Variants in SIL1 observed in about 807,000 individuals in gnomAD.
SIL1 encodes the protein SIL1 nucleotide exchange factor, also known as nucleotide exchange factor SIL1.
Under a neutral mutation model 49.1 loss-of-function variants are expected in SIL1, and 40 were observed. The observed-to-expected ratio is 0.81, with a 90% CI of 0.63 to 1.06. The LOEUF (loss-of-function observed/expected upper bound fraction) is 1.06. Ranked by LOEUF, SIL1 falls within the 50% of genes least tolerant of loss-of-function variation. The pLI is 0.00. For synonymous variants in SIL1, 253 were observed against 250.8 expected (o/e 1.01, Z -0.08); for missense variants, 500 against 572.6 (o/e 0.87, Z 1.29).
chr5:139,154,611 C>T (rs1751372368), intron 1 of SIL1, among the ~76,000 whole-genome samples: 1 of 152,194 alleles, frequency 6.6e-6, no homozygotes, highest in Non-Finnish European at 1.5e-5. Context: ...GCCCCTTGCC[C>T]AGGAATACCC....
At chr5:139,106,370 A>G (rs935387814) in intron 3 of SIL1, among the ~76,000 whole-genome samples, 38 of 152,332 alleles carry the variant, frequency 2.5e-4, no homozygotes, top group African/African-American at 8.4e-4. Flanking sequence ...AAAATAACCT[A>G]CAGAAAAATA....
chr5:139,163,361 G>GT (rs112248382), intron 1 of SIL1, among the ~76,000 whole-genome samples: 2,082 of 147,996 alleles, frequency 0.014, 45 homozygotes, highest in African/African-American at 0.048. Context: ...TCACTGTTTT[G>GT]TTTTTTTTTC....
intron 1 of SIL1, among the ~76,000 whole-genome samples, chr5:139,158,307 A>G (rs572668476): frequency 1.3e-5 from 2 of 152,216 alleles, no homozygotes; most frequent in African/African-American, 2.4e-5. Flanking sequence ...AAAGAGACAA[A>G]TTACACATCT....
At chr5:139,194,151 G>A (rs959656791) in intron 1 of SIL1, among the ~76,000 whole-genome samples, 1 of 152,222 alleles carries the variant, frequency 6.6e-6, no homozygotes, top group Non-Finnish European at 1.5e-5. Flanking sequence ...GAACCTGAAG[G>A]AACTACAAGT....
At chr5:138,981,213 CAA>C (rs35272334) in intron 7 of SIL1, among the ~76,000 whole-genome samples, 9,233 of 113,552 alleles carry the variant, frequency 0.081, 878 homozygotes, top group African/African-American at 0.26. Flanking sequence ...ACTCTGTCTC[CAA>C]AAAAAAAAAA....
chr5:138,956,103 T>C (rs1044618627), intron 7 of SIL1, among the ~76,000 whole-genome samples: 1 of 152,242 alleles, frequency 6.6e-6, no homozygotes, highest in Admixed American at 6.5e-5. Context: ...GTGACATTTC[T>C]AAGTGCAACA....
At chr5:138,964,377 C>A (rs906604142) in intron 7 of SIL1, among the ~76,000 whole-genome samples, 8 of 152,162 alleles carry the variant, frequency 5.3e-5, no homozygotes, top group African/African-American at 1.9e-4. Context: ...CAAGGGTTGT[C>A]TGAAAAATGG....
intron 3 of SIL1, 179 bp from the exon 4 acceptor site, chr5:139,051,225 T>G: frequency 1.6e-6 from 1 of 645,108 alleles, no homozygotes. Flanking sequence ...ATAAACTCAC[T>G]TTGCTAATCT....
rs575463273 is a variant in SIL1, at chr5:138,957,441, G to C, written c.768-5557C>G. ...AAAAAAAAAAAAAAAAAAAATTGCC[G>C]GGCATGGTGGTATGCACCTATGGTC... On this transcript the variant is annotated intron_variant, in intron 7 of 9. Transcript: ENST00000394817. Among the ~76,000 whole-genome samples the C allele has an allele frequency of 7.4e-4, 112 of 150,692 alleles. 1 individual carries two copies. Among genetic ancestry groups the C allele is most frequent in the African/African-American group, 2.6e-3 (107 of 40,632 alleles).
chr5:138,956,207 C>A (rs1766897873), intron 7 of SIL1, among the ~76,000 whole-genome samples: 1 of 152,200 alleles, frequency 6.6e-6, no homozygotes, highest in Non-Finnish European at 1.5e-5. Flanking sequence ...GCAGAGGGCA[C>A]ATCTCAGGGG....
chr5:139,144,026 G>A (rs1040356245), intron 1 of SIL1, among the ~76,000 whole-genome samples: 2 of 152,192 alleles, frequency 1.3e-5, no homozygotes, highest in African/African-American at 2.4e-5. Flanking sequence ...TAAAATGATA[G>A]TATTACCCAA....
intron 7 of SIL1, among the ~76,000 whole-genome samples, chr5:138,993,062 G>A (rs1767790923): frequency 6.6e-6 from 1 of 152,176 alleles, no homozygotes; most frequent in African/African-American, 2.4e-5. Flanking sequence ...GGCAAATAAA[G>A]TATAAAGACT....
At chr5:139,108,823 G>C (rs1471364238) in intron 3 of SIL1, among the ~76,000 whole-genome samples, 1 of 151,988 alleles carries the variant, frequency 6.6e-6, no homozygotes, top group Non-Finnish European at 1.5e-5. Context: ...GGTAGAGGCA[G>C]CTAGGAAGGT....
intron 1 of SIL1, among the ~76,000 whole-genome samples, chr5:139,175,632 G>A (rs117028723): frequency 1.3e-5 from 2 of 152,314 alleles, no homozygotes; most frequent in East Asian, 1.9e-4. Context: ...TGAGGCCAGC[G>A]TTACTCTGAT....
chr5:139,004,499 G>A (rs1396402044), intron 7 of SIL1, among the ~76,000 whole-genome samples: 1 of 152,166 alleles, frequency 6.6e-6, no homozygotes, highest in Non-Finnish European at 1.5e-5. Flanking sequence ...ACTCATGTGA[G>A]ACCTTTATAT....
intron 1 of SIL1, among the ~76,000 whole-genome samples, chr5:139,134,854 A>C (rs1003255881): frequency 2.0e-5 from 3 of 152,164 alleles, no homozygotes; most frequent in Non-Finnish European, 4.4e-5. Flanking sequence ...ATTCATTACT[A>C]TTTATGGGCT....
At chr5:139,133,831 T>C in intron 1 of SIL1, among the ~76,000 whole-genome samples, 1 of 152,214 alleles carries the variant, frequency 6.6e-6, no homozygotes, top group Non-Finnish European at 1.5e-5. Context: ...CCTACTTCCA[T>C]TTTATAAGGA....
rs1766681012 is a variant in SIL1, at chr5:138,948,324, T to C, written c.1030-851A>G. ...GAGGCTGAGAGGTATCCCCTAGTCCTTTCCTACTTCACCCCTCAGTCCTGC... is the reference window on the plus strand; with the variant it reads ...GAGGCTGAGAGGTATCCCCTAGTCCCTTCCTACTTCACCCCTCAGTCCTGC... On this transcript the variant is annotated intron_variant, in intron 9 of 9. Coordinates refer to ENST00000394817, the MANE Select transcript of SIL1 (RefSeq NM_022464.5). This position sits in a 1 kb window ranked among gnomAD's most constrained non-coding sequence, Gnocchi z 4.8. Among the ~76,000 whole-genome samples the C allele has an allele frequency of 6.6e-6, 1 of 152,056 alleles. No individual in the cohort carries two copies. Among genetic ancestry groups the C allele is most frequent in the Non-Finnish European group, 1.5e-5 (1 of 68,004 alleles).
At chr5:138,991,341 A>C (rs940592924) in intron 7 of SIL1, among the ~76,000 whole-genome samples, 5 of 152,276 alleles carry the variant, frequency 3.3e-5, no homozygotes, top group African/African-American at 1.2e-4. Context: ...CTGTGTATGC[A>C]AGTGAAATGC....
Sources: gnomAD v4.1 joint callset for allele counts (sites outside exome capture counted in the v4.1 genomes callset) on GRCh38, gnomAD v4.1.1 for gene constraint, Gnocchi (gnomAD v3.1) non-coding constraint, MANE v1.5 for transcripts, NCBI Gene and HGNC (gene_info 2026-07-23, HGNC 2026-07-21) for gene names.